DIP2B: variants seen among roughly 807,000 people sequenced by gnomAD.
The protein encoded by DIP2B is DIP2 acetate--CoA ligase B (putative), also known as disco-interacting protein 2 homolog B.
A neutral mutation model predicts 198.0 loss-of-function variants in DIP2B; 76 were observed. That is an observed-to-expected ratio of 0.38 (90% CI 0.32 to 0.46). The LOEUF (loss-of-function observed/expected upper bound fraction) is 0.46. Among genes scored for constraint, DIP2B ranks in the 20% least tolerant of loss-of-function variants. The pLI is 0.99. For synonymous variants in DIP2B, 701 were observed against 739.1 expected, an observed-to-expected ratio of 0.95 and a Z score of 0.84; for missense variants, 1,559 against 1,978.4, an observed-to-expected ratio of 0.79 and a Z score of 4.02.
At chr12:50,559,096 G>A (rs936169090) in intron 1 of DIP2B, among the ~76,000 whole-genome samples, 2 of 152,126 alleles carry the variant, frequency 1.3e-5, no homozygotes, top group African/African-American at 2.4e-5. Context: ...TCCATACCCA[G>A]TAGCATGTAC....
At chr12:50,673,408 A>C (rs922363882) in intron 5 of DIP2B, among the ~76,000 whole-genome samples, 2 of 152,184 alleles carry the variant, frequency 1.3e-5, no homozygotes, top group Non-Finnish European at 2.9e-5. Context: ...CCACTAAAAA[A>C]CTATGTGGTG....
intron 35 of DIP2B, among the ~76,000 whole-genome samples, chr12:50,737,842 C>T (rs1212088694): frequency 1.3e-5 from 2 of 152,112 alleles, no homozygotes; most frequent in African/African-American, 4.8e-5. Flanking sequence ...CCTGCCTTAG[C>T]CTCCCAAAAT....
At chr12:50,624,368 C>A (rs1440065385) in intron 1 of DIP2B, among the ~76,000 whole-genome samples, 2 of 152,134 alleles carry the variant, frequency 1.3e-5, no homozygotes, top group African/African-American at 4.8e-5. Context: ...AGTCTTGCTC[C>A]ATTGCCTAGG....
intron 1 of DIP2B, among the ~76,000 whole-genome samples, chr12:50,527,367 C>A (rs1354316525): frequency 6.6e-6 from 1 of 152,170 alleles, no homozygotes; most frequent in Non-Finnish European, 1.5e-5. Flanking sequence ...CTACCTATAT[C>A]TAAGGTACTG....
intron 3 of DIP2B, among the ~76,000 whole-genome samples, chr12:50,653,978 A>G (rs1267867805): frequency 6.6e-6 from 1 of 151,904 alleles, no homozygotes; most frequent in Non-Finnish European, 1.5e-5. Flanking sequence ...GGTTCAAGCA[A>G]TTCTCCTGCC....
Position 50,675,441 on chromosome 12 carries a change from T to C in DIP2B, c.909T>C (p.Ile303=), listed in dbSNP as rs142261559. 100 of 1,613,378 alleles carry C rather than the reference T, an allele frequency of 6.2e-5. No homozygotes were observed. The highest frequency in any genetic ancestry group is 7.3e-5 in the Non-Finnish European group (86 of 1,179,708). Residue 303 remains isoleucine (I), a synonymous_variant, in exon 7 of 38, where the codon ATT becomes ATC. Coordinates refer to ENST00000301180, the MANE Select transcript of DIP2B (RefSeq NM_173602.3). ...TTTTTGTGGATGACTCTGAAGAAATTGTGGAAGGTAGTAGTAAAAATACCA... is the reference window on the plus strand; with the variant it reads ...TTTTTGTGGATGACTCTGAAGAAATCGTGGAAGGTAGTAGTAAAAATACCA... The part of the protein sequence containing the change: ...KEFFVDDSEE[I]VEVPQPDPNQ...
chr12:50,677,838 G>T (rs772065780), intron 7 of DIP2B, among the ~76,000 whole-genome samples: 2 of 151,862 alleles, frequency 1.3e-5, no homozygotes, highest in Non-Finnish European at 2.9e-5. Flanking sequence ...GAAGTATTAG[G>T]CACTACAGCC....
At chr12:50,607,091 G>A (rs1158959213) in intron 1 of DIP2B, among the ~76,000 whole-genome samples, 6 of 151,110 alleles carry the variant, frequency 4.0e-5, no homozygotes, top group African/African-American at 1.5e-4. Context: ...ACAGGCATGG[G>A]CCATCATGCT....
chr12:50,606,035 C>T (rs1958978624), intron 1 of DIP2B, among the ~76,000 whole-genome samples: 1 of 151,892 alleles, frequency 6.6e-6, no homozygotes, highest in Non-Finnish European at 1.5e-5. Context: ...TTTGGCCAGG[C>T]TGGCTTTGAA....
intron 1 of DIP2B, among the ~76,000 whole-genome samples, chr12:50,543,015 G>A (rs999142591): frequency 2.0e-5 from 3 of 151,736 alleles, no homozygotes; most frequent in African/African-American, 7.3e-5. Context: ...CTACAGATGT[G>A]TGCCACCATG....
Position 50,509,400 on chromosome 12 carries a change from C to G in DIP2B, c.100+4160C>G, listed in dbSNP as rs542955428. The stretch of plus-strand genomic sequence containing the variant: ...GTGGCATGCAGGAAGGAGCTCAAGT[C>G]TTTCAGTGTCTGAGAACAGTCCAAA... On this transcript the variant is annotated intron_variant, in intron 1 of 37. Coordinates refer to ENST00000301180, the MANE Select transcript of DIP2B (RefSeq NM_173602.3). Among the ~76,000 whole-genome samples, 6 of 152,318 alleles carry G rather than the reference C, an allele frequency of 3.9e-5. No individual in the cohort carries two copies. In the South Asian group the frequency reaches 1.2e-3, roughly 32 times the overall value.
At chr12:50,528,773 C>T (rs1201073574) in intron 1 of DIP2B, among the ~76,000 whole-genome samples, 1 of 152,152 alleles carries the variant, frequency 6.6e-6, no homozygotes, top group East Asian at 1.9e-4. Flanking sequence ...AAAGACATGG[C>T]TGGAGGTTTA....
At chr12:50,589,238 G>GT (rs576557950) in intron 1 of DIP2B, among the ~76,000 whole-genome samples, 2,170 of 126,702 alleles carry the variant, frequency 0.017, 38 homozygotes, top group African/African-American at 0.059. Flanking sequence ...GTTTGTCTTT[G>GT]TTTTTTTTTT....
At chr12:50,558,237 T>G (rs1176852863) in intron 1 of DIP2B, among the ~76,000 whole-genome samples, 1 of 152,202 alleles carries the variant, frequency 6.6e-6, no homozygotes, top group Admixed American at 6.5e-5. Context: ...TGGAGTTTTA[T>G]TATATGATCT....
chr12:50,663,832 C>T (rs1467171211), intron 4 of DIP2B, among the ~76,000 whole-genome samples: 3 of 145,976 alleles, frequency 2.1e-5, no homozygotes, highest in South Asian at 4.3e-4. Context: ...ATCAATCAAC[C>T]GTACTCCAAC....
At chr12:50,661,006 C>T (rs1185448650) in intron 4 of DIP2B, among the ~76,000 whole-genome samples, 1 of 152,118 alleles carries the variant, frequency 6.6e-6, no homozygotes, top group Non-Finnish European at 1.5e-5. Flanking sequence ...AGAGTTATAA[C>T]TTCATATTTG....
rs1190904436 is a variant in DIP2B at position 50,697,042 on chromosome 12, A to G, written c.1934-19A>G. On this transcript the variant is annotated intron_variant, in intron 16 of 37. Coordinates refer to ENST00000301180, the MANE Select transcript of DIP2B (RefSeq NM_173602.3). ...AAAGCATAATTTCAGCTTCAGGTTG[A>G]TCTGTTCCAACTCCTTAGGGTCCGT... 12 of 1,590,936 alleles carry G rather than the reference A, an allele frequency of 7.5e-6. No individual in the cohort carries two copies. Among genetic ancestry groups the G allele is most frequent in the African/African-American group, 1.3e-5 (1 of 74,374 alleles).
intron 12 of DIP2B, 117 bp from the exon 13 acceptor site, chr12:50,690,932 C>G (rs1409820305): frequency 1.9e-5 from 14 of 747,032 alleles, no homozygotes; most frequent in Non-Finnish European, 2.8e-5. Context: ...TCATATTAAA[C>G]ATGTTAAATT....
chr12:50,610,667 G>A (rs1451850980), intron 1 of DIP2B, among the ~76,000 whole-genome samples: 6 of 151,832 alleles, frequency 4.0e-5, no homozygotes, highest in Admixed American at 6.6e-5. Flanking sequence ...CGCCATGCCC[G>A]GCTAATTTTT....
Sources: gnomAD v4.1 joint callset for allele counts (sites outside exome capture counted in the v4.1 genomes callset) on GRCh38, gnomAD v4.1.1 for gene constraint, MANE v1.5 for transcripts, NCBI Gene and HGNC (gene_info 2026-07-23, HGNC 2026-07-21) for gene names.